The following WWOX variants were observed in gnomAD, a reference collection of about 807,000 sequenced individuals.
The protein encoded by WWOX is WW domain containing oxidoreductase.
In WWOX, 69 loss-of-function variants were observed where a neutral mutation model predicts 46.2. That is an observed-to-expected ratio of 1.49 (90% CI 1.23 to 1.82). The LOEUF (loss-of-function observed/expected upper bound fraction) is 1.82. Among genes scored for constraint, WWOX ranks in the 40% most tolerant of loss-of-function variants. The pLI, the probability that WWOX is intolerant of heterozygous loss-of-function variation, is 0.00. For missense variants in WWOX, 919 were observed against 542.6 expected (o/e 1.69, Z -6.89); for synonymous variants, 359 against 202.6 (o/e 1.77, Z -6.56).
rs143690242 is a variant in WWOX at position 78,770,354 on chromosome 16, C to CAA, written c.1056+337611_1056+337612dup. ...CCATAGAGTGAGACTCTGTCTCAAACAAAAAAAAAATTTAACTCTAAAGAA... is the reference window on the plus strand; with the variant it reads ...CCATAGAGTGAGACTCTGTCTCAAACAAAAAAAAAAAATTTAACTCTAAAGAA... On this transcript the variant is annotated intron_variant, in intron 8 of 8. Transcript: ENST00000566780. 2.5e-4 allele frequency among the ~76,000 whole-genome samples: 37 copies of CAA among 149,042 alleles called. No individual in the cohort carries two copies. The South Asian group carries it at 3.8e-3, about 15-fold the overall frequency.
chr16:78,840,506 G>A (rs1319068974), intron 8 of WWOX, among the ~76,000 whole-genome samples: 1 of 152,150 alleles, frequency 6.6e-6, no homozygotes, highest in Admixed American at 6.5e-5. Flanking sequence ...ATTATGTAGT[G>A]TCTACAGAGC....
chr16:78,971,517 T>A (rs1264748265), intron 8 of WWOX, among the ~76,000 whole-genome samples: 1 of 150,128 alleles, frequency 6.7e-6, no homozygotes, highest in Non-Finnish European at 1.5e-5. Context: ...GTCATGTATC[T>A]ACAGCCATGG....
chr16:78,981,782 C>G (rs375422163), intron 8 of WWOX: 1 of 152,172 alleles, frequency 6.6e-6, no homozygotes, highest in African/African-American at 2.4e-5. Flanking sequence ...CAACCAGCTC[C>G]GTTTCCAAGG....
intron 5 of WWOX, among the ~76,000 whole-genome samples, chr16:78,317,943 T>C (rs1213530082): frequency 6.6e-6 from 1 of 152,196 alleles, no homozygotes; most frequent in Non-Finnish European, 1.5e-5. Flanking sequence ...AATTTCTTTT[T>C]CAGCCTGGGT....
At position 78,550,715 on chromosome 16, in the gene WWOX, T is replaced by TC. The variant is rs113471423; in HGVS notation, c.1056+117963_1056+117964insC. 41 of 151,966 alleles carry TC rather than the reference T, an allele frequency of 2.7e-4. 1 individual carries two copies. Among genetic ancestry groups the TC allele is most frequent in the African/African-American group, 9.7e-4 (40 of 41,418 alleles). The allele number at this position is 151,966 out of a possible 1,614,324, so 9.4% of individuals were successfully genotyped here. Reference sequence around the variant, plus strand: ...GGCTGTGCTGGGGATGGCAGCAGAGTGGGGTGGTTGGATGGGAAGGCGGGA... The same window carrying TC: ...GGCTGTGCTGGGGATGGCAGCAGAGTCGGGGTGGTTGGATGGGAAGGCGGGA... On this transcript the variant is annotated intron_variant, in intron 8 of 8. Coordinates refer to ENST00000566780, the MANE Select transcript of WWOX (RefSeq NM_016373.4).
intron 5 of WWOX, among the ~76,000 whole-genome samples, chr16:78,253,029 G>T (rs981369104): frequency 6.6e-6 from 1 of 152,134 alleles, no homozygotes; most frequent in Non-Finnish European, 1.5e-5. Context: ...TATAAATGTG[G>T]GACCATACCC....
At chr16:79,096,766 C>G (rs1199229139) in intron 8 of WWOX, among the ~76,000 whole-genome samples, 1 of 152,150 alleles carries the variant, frequency 6.6e-6, no homozygotes, top group Non-Finnish European at 1.5e-5. Flanking sequence ...TGCCTGCATC[C>G]CCATCACTAG....
rs531799246 is a variant in WWOX, at chr16:78,440,107, A to G, written c.1056+7355A>G. ...GAGTGGCAGGCGAACTCTGATTTTGAGGAAAAAGGATAGGGTAATGGTGTT... is the reference window on the plus strand; with the variant it reads ...GAGTGGCAGGCGAACTCTGATTTTGGGGAAAAAGGATAGGGTAATGGTGTT... On this transcript the variant is annotated intron_variant, in intron 8 of 8. Transcript: ENST00000566780. Among the ~76,000 whole-genome samples the G allele has an allele frequency of 3.9e-5, 6 of 152,214 alleles. No individual in the cohort carries two copies. In the East Asian group the frequency reaches 7.7e-4, roughly 20 times the overall value.
chr16:78,657,812 T>C (rs2047115697), intron 8 of WWOX, among the ~76,000 whole-genome samples: 1 of 152,206 alleles, frequency 6.6e-6, no homozygotes, highest in Non-Finnish European at 1.5e-5. Context: ...AAACAGGTTT[T>C]GTTTTTTTGT....
At chr16:78,759,236 G>A (rs915140155) in intron 8 of WWOX, among the ~76,000 whole-genome samples, 6 of 152,184 alleles carry the variant, frequency 3.9e-5, no homozygotes, top group African/African-American at 1.4e-4. Context: ...CCCATTTCAG[G>A]TGAATGCCAA....
chr16:78,477,532 A>G (rs577576868), intron 8 of WWOX, among the ~76,000 whole-genome samples: 6 of 152,314 alleles, frequency 3.9e-5, no homozygotes, highest in East Asian at 1.9e-4. Flanking sequence ...TCATGCCGCA[A>G]TGCACTTATA....
At chr16:78,810,894 A>G (rs1307747045) in intron 8 of WWOX, among the ~76,000 whole-genome samples, 1 of 152,238 alleles carries the variant, frequency 6.6e-6, no homozygotes, top group African/African-American at 2.4e-5. Context: ...AAGAGACAGT[A>G]ATGCTGTGTG....
At chr16:78,264,474 A>G (rs2079318138) in intron 5 of WWOX, 1 of 152,140 alleles carries the variant, frequency 6.6e-6, no homozygotes, top group Non-Finnish European at 1.5e-5. Flanking sequence ...TTAAGAGAGA[A>G]GGAGAAATTC....
intron 6 of WWOX, among the ~76,000 whole-genome samples, chr16:78,387,774 C>T (rs764061254): frequency 6.6e-6 from 1 of 152,004 alleles, no homozygotes; most frequent in African/African-American, 2.4e-5. Flanking sequence ...TAATAAATAA[C>T]TTCATTTATT....
chr16:78,247,706 C>T (rs2037856123), intron 5 of WWOX, among the ~76,000 whole-genome samples: 1 of 152,206 alleles, frequency 6.6e-6, no homozygotes, highest in Non-Finnish European at 1.5e-5. Flanking sequence ...CGTGGATCAC[C>T]TCACTGTCCT....
intron 8 of WWOX, among the ~76,000 whole-genome samples, chr16:78,708,192 T>C (rs2048365042): frequency 6.6e-6 from 1 of 152,124 alleles, no homozygotes; most frequent in African/African-American, 2.4e-5. Flanking sequence ...CCCTGTGTCT[T>C]AAAACAACAA....
At chr16:78,665,621 G>C (rs948642660) in intron 8 of WWOX, among the ~76,000 whole-genome samples, 1 of 152,016 alleles carries the variant, frequency 6.6e-6, no homozygotes, top group Non-Finnish European at 1.5e-5. Context: ...GTCAGGGTGG[G>C]TCCTAGTGGT....
chr16:78,979,617 G>A lies in WWOX; in HGVS notation c.1057-231991G>A, dbSNP rs977838580. The stretch of plus-strand genomic sequence containing the variant: ...GGAGAGTCAAATGGGAGTTTCTACC[G>A]ATGCTCTTGAAAGGATCTTGTTACT... On this transcript the variant is annotated intron_variant, in intron 8 of 8. Coordinates refer to ENST00000566780, the MANE Select transcript of WWOX (RefSeq NM_016373.4). Among the ~76,000 whole-genome samples the A allele has an allele frequency of 2.6e-5, 4 of 152,082 alleles. No individual in the cohort carries two copies. The South Asian group carries it at 8.3e-4, about 31-fold the overall frequency.
At chr16:78,491,322 TG>T (rs1246251106) in intron 8 of WWOX, among the ~76,000 whole-genome samples, 3 of 152,310 alleles carry the variant, frequency 2.0e-5, no homozygotes, top group Admixed American at 2.0e-4. Flanking sequence ...AGACGCCCCT[TG>T]GGGAAAGGAC....
Sources: gnomAD v4.1 joint callset for allele counts (sites outside exome capture counted in the v4.1 genomes callset) on GRCh38, gnomAD v4.1.1 for gene constraint, MANE v1.5 for transcripts, NCBI Gene and HGNC (gene_info 2026-07-23, HGNC 2026-07-21) for gene names.